The following SLC26A7 variants were observed in gnomAD, a reference collection of about 807,000 sequenced individuals.
The protein encoded by SLC26A7 is solute carrier family 26 member 7, also known as anion exchange transporter.
Under a neutral mutation model 82.5 loss-of-function variants are expected in SLC26A7, and 59 were observed. The ratio of observed to expected loss-of-function variants is 0.72; its 90% confidence interval spans 0.58 to 0.89. SLC26A7 has a LOEUF of 0.89. Ranked by LOEUF, SLC26A7 falls within the 40% of genes least tolerant of loss-of-function variation. The pLI is 0.00. For synonymous variants in SLC26A7, 271 were observed against 274.3 expected, an observed-to-expected ratio of 0.99 and a Z score of 0.12; for missense variants, 820 against 793.0, an observed-to-expected ratio of 1.03 and a Z score of -0.41.
chr8:91,298,153 A>G (rs1309589169), intron 4 of SLC26A7, among the ~76,000 whole-genome samples: 1 of 152,156 alleles, frequency 6.6e-6, no homozygotes, highest in South Asian at 2.1e-4. Flanking sequence ...CTGTTATTAC[A>G]TAATAAGGGC....
intron 18 of SLC26A7, chr8:91,394,284 G>A (rs1338636218): frequency 6.2e-7 from 1 of 1,612,930 alleles, no homozygotes; most frequent in East Asian, 2.2e-5. Context: ...AGGATTGGGT[G>A]GTTGCCTATC....
chr8:91,259,587 AC>A (rs1171721244), intron 2 of SLC26A7, among the ~76,000 whole-genome samples: 3 of 151,932 alleles, frequency 2.0e-5, no homozygotes, highest in African/African-American at 7.3e-5. Context: ...TTCCAGCCAC[AC>A]CTTTTTTATG....
At chr8:91,362,517 C>T in intron 12 of SLC26A7, 58 bp downstream of exon 12, 2 of 1,300,056 alleles carry the variant, frequency 1.5e-6, no homozygotes, top group Non-Finnish European at 2.2e-6. Context: ...TACATGGTTA[C>T]TTGCCATATG....
intron 2 of SLC26A7, among the ~76,000 whole-genome samples, chr8:91,288,618 C>CT (rs35766439): frequency 0.59 from 89,559 of 151,988 alleles, 27,966 homozygotes; most frequent in Non-Finnish European, 0.7. Flanking sequence ...ATCGGCCCTA[C>CT]TGCTGTGACA....
intron 9 of SLC26A7, among the ~76,000 whole-genome samples, chr8:91,347,863 G>A (rs191560706): frequency 2.0e-3 from 303 of 152,314 alleles, no homozygotes; most frequent in Non-Finnish European, 3.4e-3. Flanking sequence ...TTGTGGCACA[G>A]CTTAGACAAA....
At chr8:91,281,637 A>G (rs1306442738) in intron 2 of SLC26A7, among the ~76,000 whole-genome samples, 1 of 152,186 alleles carries the variant, frequency 6.6e-6, no homozygotes, top group Non-Finnish European at 1.5e-5. Flanking sequence ...TAGGATGTGA[A>G]AGTTTCCCAA....
At chr8:91,385,820 A>G (rs1814784838) in intron 15 of SLC26A7, among the ~76,000 whole-genome samples, 1 of 152,214 alleles carries the variant, frequency 6.6e-6, no homozygotes, top group African/African-American at 2.4e-5. Context: ...TTGCAAGTAC[A>G]ATTTAGAAGT....
chr8:91,316,862 A>C (rs1812646543), intron 4 of SLC26A7, among the ~76,000 whole-genome samples: 1 of 151,574 alleles, frequency 6.6e-6, no homozygotes, highest in African/African-American at 2.4e-5. Flanking sequence ...AAGTATCAGG[A>C]GTTAGAAGAG....
chr8:91,253,363 C>G (rs1325446921), intron 2 of SLC26A7, among the ~76,000 whole-genome samples: 1 of 152,084 alleles, frequency 6.6e-6, no homozygotes, highest in African/African-American at 2.4e-5. Context: ...TCTTTTGTTT[C>G]TATCCCCTCT....
intron 15 of SLC26A7, among the ~76,000 whole-genome samples, chr8:91,371,018 A>T (rs1334577354): frequency 2.0e-5 from 3 of 151,920 alleles, no homozygotes; most frequent in Non-Finnish European, 4.4e-5. Context: ...AATGTGTTAG[A>T]TTTTTAAAAA....
intron 1 of SLC26A7, among the ~76,000 whole-genome samples, chr8:91,211,971 G>A (rs1046040943): frequency 7.9e-5 from 12 of 151,984 alleles, no homozygotes; most frequent in African/African-American, 2.9e-4. Flanking sequence ...GATGAGGATT[G>A]GAAAATAGTC....
intron 14 of SLC26A7, among the ~76,000 whole-genome samples, chr8:91,368,557 T>C: frequency 6.6e-6 from 1 of 152,026 alleles, no homozygotes; most frequent in Non-Finnish European, 1.5e-5. Flanking sequence ...TAGCTGGGAC[T>C]ACAGGCGCCC....
At chr8:91,300,733 G>A (rs1028472209) in intron 4 of SLC26A7, among the ~76,000 whole-genome samples, 6 of 152,144 alleles carry the variant, frequency 3.9e-5, no homozygotes, top group South Asian at 2.1e-4. Flanking sequence ...TCATATGACT[G>A]GTGATTTCTC....
At chr8:91,385,762 A>G (rs1448940253) in intron 15 of SLC26A7, among the ~76,000 whole-genome samples, 1 of 152,202 alleles carries the variant, frequency 6.6e-6, no homozygotes. Context: ...AGAGTTAATA[A>G]TCTATCATCA....
chr8:91,314,434 G>A (rs1225097995), intron 4 of SLC26A7, among the ~76,000 whole-genome samples: 1 of 152,164 alleles, frequency 6.6e-6, no homozygotes, highest in African/African-American at 2.4e-5. Flanking sequence ...GATTCCTAAT[G>A]TCAGTGTGAA....
intron 2 of SLC26A7, among the ~76,000 whole-genome samples, chr8:91,275,094 T>TA (rs1466242839): frequency 1.3e-5 from 2 of 152,034 alleles, no homozygotes; most frequent in Admixed American, 6.6e-5. Context: ...TCTATCTGGT[T>TA]AAAAAACAGA....
chr8:91,219,905 T>C (rs1586300403), intron 2 of SLC26A7, among the ~76,000 whole-genome samples: 2 of 152,290 alleles, frequency 1.3e-5, no homozygotes, highest in Admixed American at 1.3e-4. Context: ...TCATTATAAT[T>C]TCATATTTAA....
intron 2 of SLC26A7, among the ~76,000 whole-genome samples, chr8:91,282,455 T>G (rs1811599965): frequency 6.6e-6 from 1 of 152,156 alleles, no homozygotes; most frequent in Admixed American, 6.5e-5. Flanking sequence ...CCTTTCTCCC[T>G]AATCAATGGC....
intron 4 of SLC26A7, among the ~76,000 whole-genome samples, chr8:91,298,791 T>C (rs1428544798): frequency 6.6e-6 from 1 of 152,178 alleles, no homozygotes; most frequent in Non-Finnish European, 1.5e-5. Flanking sequence ...TGTATGTGTA[T>C]ATCTGGATTT....
Sources: gnomAD v4.1 joint callset for allele counts (sites outside exome capture counted in the v4.1 genomes callset) on GRCh38, gnomAD v4.1.1 for gene constraint, MANE v1.5 for transcripts, NCBI Gene and HGNC (gene_info 2026-07-23, HGNC 2026-07-21) for gene names.